The following EYA1 variants were observed in gnomAD, a reference collection of about 807,000 sequenced individuals.
EYA1 encodes EYA transcriptional coactivator and phosphatase 1.
Under a neutral mutation model 82.0 loss-of-function variants are expected in EYA1, and 16 were observed. The observed-to-expected ratio is 0.20, with a 90% confidence interval of 0.13 to 0.30. EYA1 has a LOEUF of 0.30. Among genes scored for constraint, EYA1 ranks in the 10% least tolerant of loss-of-function variants. The probability of loss-of-function intolerance (pLI) is 1.00; values close to 1 mark genes in which losing one functional copy is unlikely to be tolerated. For synonymous variants in EYA1, 261 were observed against 264.4 expected, an observed-to-expected ratio of 0.99 and a Z score of 0.12; for missense variants, 633 against 730.7, an observed-to-expected ratio of 0.87 and a Z score of 1.54.
chr8:71,525,671 TTAA>T (rs1289231527), intron 2 of EYA1, among the ~76,000 whole-genome samples: 2 of 152,158 alleles, frequency 1.3e-5, no homozygotes, highest in African/African-American at 4.8e-5. Context: ...AGAGTTCCAG[TTAA>T]TGATGTTTAA....
intron 2 of EYA1, among the ~76,000 whole-genome samples, chr8:71,425,144 G>A (rs566445040): frequency 1.9e-4 from 29 of 150,342 alleles, no homozygotes; most frequent in African/African-American, 3.9e-4. Flanking sequence ...TGAGCCGGGC[G>A]TGGTGGCAGG....
chr8:71,261,559 T>A (rs1318098792), intron 11 of EYA1, among the ~76,000 whole-genome samples: 3 of 152,200 alleles, frequency 2.0e-5, no homozygotes, highest in Non-Finnish European at 4.4e-5. Flanking sequence ...GTGTTAATTT[T>A]CTCCTTACTT....
chr8:71,293,583 T>C (rs1819237035), intron 9 of EYA1, among the ~76,000 whole-genome samples: 1 of 151,900 alleles, frequency 6.6e-6, no homozygotes, highest in South Asian at 2.1e-4. Context: ...ATAAAAAGAA[T>C]TATATGTCAT....
At chr8:71,359,209 G>C (rs1827164044) in intron 1 of EYA1, among the ~76,000 whole-genome samples, 1 of 152,142 alleles carries the variant, frequency 6.6e-6, no homozygotes, top group African/African-American at 2.4e-5. Flanking sequence ...CTTCTGATTA[G>C]TTAATGAGGT....
intron 2 of EYA1, among the ~76,000 whole-genome samples, chr8:71,376,589 G>A (rs1031325946): frequency 1.3e-5 from 2 of 152,066 alleles, no homozygotes; most frequent in African/African-American, 2.4e-5. Flanking sequence ...TTTTCTCTGG[G>A]CAACTGATGA....
At chr8:71,400,444 T>G (rs1829891461) in intron 2 of EYA1, among the ~76,000 whole-genome samples, 1 of 151,624 alleles carries the variant, frequency 6.6e-6, no homozygotes, top group South Asian at 2.1e-4. Context: ...TTTAAAAAAT[T>G]TACAAGAAAA....
intron 12 of EYA1, among the ~76,000 whole-genome samples, chr8:71,227,301 G>T (rs941647499): frequency 6.6e-6 from 1 of 152,016 alleles, no homozygotes; most frequent in Non-Finnish European, 1.5e-5. Flanking sequence ...TTTGTCACTG[G>T]CAACAGTGTT....
intron 2 of EYA1, among the ~76,000 whole-genome samples, chr8:71,391,207 T>C: frequency 6.6e-6 from 1 of 152,194 alleles, no homozygotes; most frequent in Admixed American, 6.6e-5. Context: ...GGTTTTGAAC[T>C]CCTGACCTCA....
At chr8:71,323,370 T>C (rs770598828) in intron 4 of EYA1, among the ~76,000 whole-genome samples, 2 of 152,208 alleles carry the variant, frequency 1.3e-5, no homozygotes, top group Non-Finnish European at 2.9e-5. Context: ...TATTCTACAC[T>C]AAAATCCTTT....
At chr8:71,270,104 T>A (rs1457305255) in intron 10 of EYA1, 1 of 342,076 alleles carries the variant, frequency 2.9e-6, no homozygotes, top group Non-Finnish European at 5.5e-6. Context: ...AATTTCGGTC[T>A]CAGCTCTGAA....
intron 7 of EYA1, among the ~76,000 whole-genome samples, chr8:71,308,906 T>C (rs1306665414): frequency 6.6e-6 from 1 of 152,176 alleles, no homozygotes; most frequent in Non-Finnish European, 1.5e-5. Flanking sequence ...GTCCCTCGTG[T>C]ATTTTCACAG....
chr8:71,488,717 G>A (rs891387311), intron 2 of EYA1, among the ~76,000 whole-genome samples: 9 of 152,170 alleles, frequency 5.9e-5, no homozygotes, highest in South Asian at 4.2e-4. Context: ...CACTTTACTA[G>A]GTGTATGTTA....
At chr8:71,469,568 G>C (rs946563037) in intron 2 of EYA1, among the ~76,000 whole-genome samples, 17 of 152,074 alleles carry the variant, frequency 1.1e-4, no homozygotes, top group Admixed American at 6.6e-4. Context: ...TCTGTTTTCT[G>C]AGATGTAAAA....
intron 2 of EYA1, among the ~76,000 whole-genome samples, chr8:71,374,375 T>TA (rs1828248158): frequency 6.6e-6 from 1 of 152,058 alleles, no homozygotes; most frequent in South Asian, 2.1e-4. Flanking sequence ...AACATGTATA[T>TA]AAAAAGATAA....
chr8:71,213,406 A>G (rs916550950), intron 16 of EYA1, among the ~76,000 whole-genome samples: 1 of 152,192 alleles, frequency 6.6e-6, no homozygotes, highest in African/African-American at 2.4e-5. Flanking sequence ...CTTTTCCACA[A>G]TCCCTGTTTA....
intron 2 of EYA1, among the ~76,000 whole-genome samples, chr8:71,467,615 A>G (rs1037196869): frequency 2.0e-5 from 3 of 152,176 alleles, no homozygotes; most frequent in African/African-American, 7.2e-5. Flanking sequence ...TTTCTTAATA[A>G]ATGGTTCTAA....
intron 9 of EYA1, among the ~76,000 whole-genome samples, chr8:71,286,539 G>A (rs1818383424): frequency 1.3e-5 from 2 of 152,178 alleles, no homozygotes; most frequent in African/African-American, 4.8e-5. Context: ...GTATGCGAAG[G>A]TGTTATTGCT....
At chr8:71,262,546 T>C (rs1815259314) in intron 11 of EYA1, among the ~76,000 whole-genome samples, 1 of 152,226 alleles carries the variant, frequency 6.6e-6, no homozygotes, top group Admixed American at 6.5e-5. Context: ...AGGCTGCTTT[T>C]TCCAAGGCCA....
chr8:71,421,585 G>T (rs761734102), intron 2 of EYA1, among the ~76,000 whole-genome samples: 8 of 152,144 alleles, frequency 5.3e-5, no homozygotes, highest in Non-Finnish European at 1.2e-4. Context: ...GTCTGGTGGG[G>T]TAGGGCAACT....
Sources: allele counts gnomAD v4.1 joint callset (sites outside exome capture counted in the v4.1 genomes callset), GRCh38; gene constraint gnomAD v4.1.1; transcripts MANE v1.5; gene names NCBI Gene and HGNC (gene_info 2026-07-23, HGNC 2026-07-21).